The following NFIX variants were observed in gnomAD, a reference collection of about 807,000 sequenced individuals.
The protein encoded by NFIX is nuclear factor 1 X-type.
A neutral mutation model predicts 53.3 loss-of-function variants in NFIX; 2 were observed. The observed-to-expected ratio is 0.04, with a 90% CI of 0.02 to 0.12. NFIX has a LOEUF of 0.12. NFIX is among the 10% of genes least tolerant of loss of function. NFIX has a pLI of 1.00. For synonymous variants in NFIX, 244 were observed against 289.0 expected, an observed-to-expected ratio of 0.84 and a Z score of 1.58; for missense variants, 310 against 674.5, an observed-to-expected ratio of 0.46 and a Z score of 5.99.
intron 1 of NFIX, among the ~76,000 whole-genome samples, chr19:13,000,692 G>A (rs2011646059): frequency 2.6e-5 from 4 of 152,132 alleles, no homozygotes; most frequent in Non-Finnish European, 4.4e-5. Context: ...AAAGAGACCC[G>A]GTGCATCTAG....
intron 1 of NFIX, among the ~76,000 whole-genome samples, chr19:13,017,307 G>T (rs2145169569): frequency 6.6e-6 from 1 of 152,312 alleles, no homozygotes; most frequent in Non-Finnish European, 1.5e-5. Flanking sequence ...TGGGTTTCCT[G>T]GGCAATGATC....
intron 2 of NFIX, among the ~76,000 whole-genome samples, chr19:13,032,477 C>T (rs1054741442): frequency 1.3e-5 from 2 of 152,208 alleles, no homozygotes; most frequent in Non-Finnish European, 2.9e-5. Context: ...TTCGAGGACT[C>T]CTCACAGCTG....
rs1364826679 is a variant in NFIX at position 13,014,540 on chromosome 19, C to T, written c.28-10481C>T. ...AAAAGAATCAAGTATTTCTAGAGAT[C>T]GCCTGCTCAGAGGGCTCAGATCCCT... On this transcript the variant is annotated intron_variant, in intron 1 of 10. Transcript: ENST00000592199. The surrounding 1 kb of genome is among the most constrained non-coding windows in gnomAD (Gnocchi z 4.4). 1 of 152,226 alleles carries T rather than the reference C, an allele frequency of 6.6e-6. No homozygotes were observed. Among genetic ancestry groups the T allele is most frequent in the East Asian group, 1.9e-4 (1 of 5,204 alleles). The allele number at this position is 152,226 out of a possible 1,614,324, so 9.4% of individuals were successfully genotyped here.
In NFIX at chr19:13,067,434, G is replaced by T. The variant is rs2016476159; in HGVS notation, c.560-5613G>T. 6.6e-6 allele frequency among the ~76,000 whole-genome samples: 1 copy of T among 152,068 alleles called. No individual in the cohort carries two copies. Among genetic ancestry groups the T allele is most frequent in the Non-Finnish European group, 1.5e-5 (1 of 68,014 alleles). On this transcript the variant is annotated intron_variant, in intron 2 of 10. Transcript: ENST00000592199. This position sits in a 1 kb window ranked among gnomAD's most constrained non-coding sequence, Gnocchi z 4.2. Reference sequence around the variant, plus strand: ...CCACCCTTTCTGGACGGCAAGAAGTGGTTAGTGGCACCTCCGTGTGTGTGC... The same window carrying T: ...CCACCCTTTCTGGACGGCAAGAAGTTGTTAGTGGCACCTCCGTGTGTGTGC...
intron 1 of NFIX, chr19:13,024,536 G>A: frequency 6.5e-7 from 1 of 1,527,052 alleles, no homozygotes; most frequent in Non-Finnish European, 8.8e-7. Flanking sequence ...GGGGACCAGA[G>A]GCGGCCCCGC....
chr19:13,058,717 A>G (rs1011176770), intron 2 of NFIX, among the ~76,000 whole-genome samples: 2 of 151,960 alleles, frequency 1.3e-5, no homozygotes, highest in African/African-American at 2.4e-5. Context: ...GAAACAGAAA[A>G]GAAAAAAAGC....
At chr19:13,010,905 C>G (rs1427514025) in intron 1 of NFIX, among the ~76,000 whole-genome samples, 1 of 152,260 alleles carries the variant, frequency 6.6e-6, no homozygotes, top group Non-Finnish European at 1.5e-5. Flanking sequence ...CCATATGTCC[C>G]TGGGGCACAG....
Position 13,090,863 on chromosome 19 carries a change from G to GAGGGC in NFIX, c.1494+487_1494+491dup, listed in dbSNP as rs982435748. On this transcript the variant is annotated intron_variant, in intron 10 of 10. Transcript: ENST00000592199. The surrounding 1 kb of genome is among the most constrained non-coding windows in gnomAD (Gnocchi z 6.6). Reference sequence around the variant, plus strand: ...GGGCTGCGTGCCCAGAACTGGCACTGAGGGCAGGGCAGGGCAGGCCGCCAC... The same window carrying GAGGGC: ...GGGCTGCGTGCCCAGAACTGGCACTGAGGGCAGGGCAGGGCAGGGCAGGCCGCCAC... Among the ~76,000 whole-genome samples, 4 of 152,212 alleles carry GAGGGC rather than the reference G, an allele frequency of 2.6e-5. No homozygotes were observed. The highest frequency in any genetic ancestry group is 2.1e-4 in the South Asian group (1 of 4,836).
intron 6 of NFIX, among the ~76,000 whole-genome samples, chr19:13,076,052 G>C (rs866945354): frequency 2.0e-4 from 31 of 152,304 alleles, no homozygotes; most frequent in African/African-American, 6.5e-4. Flanking sequence ...TCTGTGTAGG[G>C]GATTGTTCTG....
At chr19:13,034,293 C>T (rs1015573653) in intron 2 of NFIX, among the ~76,000 whole-genome samples, 8 of 152,214 alleles carry the variant, frequency 5.3e-5, no homozygotes, top group African/African-American at 1.9e-4. Flanking sequence ...AGAGAATGGG[C>T]ACCTGGCCCT....
intron 2 of NFIX, among the ~76,000 whole-genome samples, chr19:13,063,108 G>A (rs2016191253): frequency 6.6e-6 from 1 of 152,170 alleles, no homozygotes; most frequent in South Asian, 2.1e-4. Context: ...TGGTGGGGGA[G>A]GCTGATGCTC....
chr19:13,085,202 G>C (rs922260467), intron 8 of NFIX, among the ~76,000 whole-genome samples: 3 of 152,152 alleles, frequency 2.0e-5, no homozygotes, highest in African/African-American at 7.2e-5. Flanking sequence ...CTGTACCCCA[G>C]TCAGAGCTGA....
At chr19:13,007,483 G>T (rs2012088069) in intron 1 of NFIX, among the ~76,000 whole-genome samples, 1 of 152,224 alleles carries the variant, frequency 6.6e-6, no homozygotes, top group Non-Finnish European at 1.5e-5. Context: ...GGCCACCAGG[G>T]GGCTAGGGTG....
At chr19:13,083,798 A>G (rs2017615091) in intron 8 of NFIX, among the ~76,000 whole-genome samples, 1 of 152,112 alleles carries the variant, frequency 6.6e-6, no homozygotes, top group Non-Finnish European at 1.5e-5. Context: ...TTCTGGGAGG[A>G]GGCTAGAGAC....
In NFIX at chr19:13,088,066, C is replaced by T; in HGVS notation, c.1332C>T (p.Pro444=). The T allele has an allele frequency of 6.5e-7, 1 of 1,536,382 alleles. No homozygotes were observed. Among genetic ancestry groups the T allele is most frequent in the Non-Finnish European group, 8.7e-7 (1 of 1,146,954 alleles). The change falls in exon 9 of 11, where the codon CCC becomes CCT. Residue 444 remains proline (P), a synonymous_variant. Transcript: ENST00000592199. The surrounding 1 kb of genome is among the most constrained non-coding windows in gnomAD (Gnocchi z 5.9). ...CGCCTCCAGTGGCCAGACCTGTGCC[C>T]CTTCCTATGCCTGATTCCAAATCCA... is the stretch of plus-strand genomic sequence containing the variant. The part of the protein sequence containing the change: ...PPPPPVARPV[P]LPMPDSKSTS...
chr19:13,010,453 GC>G (rs1406541701), intron 1 of NFIX, among the ~76,000 whole-genome samples: 1 of 152,270 alleles, frequency 6.6e-6, no homozygotes, highest in Non-Finnish European at 1.5e-5. Context: ...TCCGCAGCAT[GC>G]CCTTGCCCGG....
intron 8 of NFIX, among the ~76,000 whole-genome samples, chr19:13,084,917 A>G (rs534313155): frequency 6.6e-6 from 1 of 152,080 alleles, no homozygotes; most frequent in South Asian, 2.1e-4. Context: ...TAAAAATACA[A>G]AAATTAGCCG....
chr19:13,011,849 C>T lies in NFIX; in HGVS notation c.28-13172C>T, dbSNP rs912010272. Among the ~76,000 whole-genome samples, 1 of 152,168 alleles carries T rather than the reference C, an allele frequency of 6.6e-6. No homozygotes were observed. On this transcript the variant is annotated intron_variant, in intron 1 of 10. Transcript: ENST00000592199. This position sits in a 1 kb window ranked among gnomAD's most constrained non-coding sequence, Gnocchi z 6.5. Reference sequence around the variant, plus strand: ...GAGGTTCTCAAGGCGCCTGGCATTTCCTGGACCCGCTGCAACTGACTCAAG... The same window carrying T: ...GAGGTTCTCAAGGCGCCTGGCATTTTCTGGACCCGCTGCAACTGACTCAAG...
At chr19:13,062,166 G>T (rs1031492624) in intron 2 of NFIX, among the ~76,000 whole-genome samples, 1 of 152,228 alleles carries the variant, frequency 6.6e-6, no homozygotes, top group African/African-American at 2.4e-5. Flanking sequence ...TGAGGCTCCA[G>T]TTCCTTCCTC....
Sources: allele counts gnomAD v4.1 joint callset (sites outside exome capture counted in the v4.1 genomes callset), GRCh38; gene constraint gnomAD v4.1.1; non-coding constraint Gnocchi (gnomAD v3.1); transcripts MANE v1.5; gene names NCBI Gene and HGNC (gene_info 2026-07-23, HGNC 2026-07-21).